The following BAHCC1 variants were observed in gnomAD, a reference collection of about 807,000 sequenced individuals.
BAHCC1 encodes the protein BAH and coiled-coil domain-containing protein 1.
A neutral mutation model predicts 88.2 loss-of-function variants in BAHCC1; 43 were observed. The ratio of observed to expected loss-of-function variants is 0.49; its 90% CI spans 0.38 to 0.63. The LOEUF (loss-of-function observed/expected upper bound fraction) is 0.63, where lower values mean the gene tolerates loss of function less well. Among genes scored for constraint, BAHCC1 ranks in the 20% least tolerant of loss-of-function variants. The pLI, the probability that BAHCC1 is intolerant of heterozygous loss-of-function variation, is 0.00. For missense variants in BAHCC1, 3,023 were observed against 1,654.8 expected, an observed-to-expected ratio of 1.83 and a Z score of -14.34; for synonymous variants, 1,510 against 745.5, an observed-to-expected ratio of 2.03 and a Z score of -16.71.
chr17:81,417,555 A>ACCGCCCCCCCCC (rs1555648925), intron 2 of BAHCC1, among the ~76,000 whole-genome samples: 3 of 131,412 alleles, frequency 2.3e-5, no homozygotes, highest in East Asian at 2.2e-4. Context: ...AGCGTCGGCC[A>ACCGCCCCCCCCC]CCCCCCCCCC....
intron 2 of BAHCC1, among the ~76,000 whole-genome samples, chr17:81,416,603 C>T (rs201831310): frequency 1.4e-4 from 17 of 118,148 alleles, no homozygotes; most frequent in Admixed American, 1.2e-3. Flanking sequence ...GGTGTATGCG[C>T]GTATGTACGT....
chr17:81,421,718 T>C (rs2143360268), intron 2 of BAHCC1, among the ~76,000 whole-genome samples: 1 of 152,320 alleles, frequency 6.6e-6, no homozygotes, highest in East Asian at 1.9e-4. Context: ...TTCCCCTGCC[T>C]GGTCCCGTCT....
At chr17:81,426,680 T>A in intron 2 of BAHCC1, 120 bp from the exon 3 acceptor site, 1 of 398,254 alleles carries the variant, frequency 2.5e-6, no homozygotes, top group Non-Finnish European at 4.4e-6. Flanking sequence ...AGTCAAAGGC[T>A]CTGGGGGAGA....
In BAHCC1 at chr17:81,453,502, G is replaced by A. The variant is rs117690860; in HGVS notation, c.4445+651G>A. 4.5e-3 allele frequency among the ~76,000 whole-genome samples: 690 copies of A among 152,340 alleles called. 4 individuals are homozygous for A. Among genetic ancestry groups the A allele is most frequent in the Non-Finnish European group, 7.7e-3 (523 of 68,032 alleles). ...AGACAGGCAAAAAATTAATCTCAGG[G>A]CTTCATGTCACAAAACATTAGCAAA... On this transcript the variant is annotated intron_variant, in intron 14 of 27. Coordinates refer to ENST00000675386, the MANE Select transcript of BAHCC1 (RefSeq NM_001377448.1).
chr17:81,460,028 G>GCACGTGTGGGGAGGTGGGCACGTGGGCC, intron 23 of BAHCC1, among the ~76,000 whole-genome samples: 1 of 152,140 alleles, frequency 6.6e-6, no homozygotes, highest in East Asian at 1.9e-4. Context: ...GCACGTGGGC[G>GCACGTGTGGGGAGGTGGGCACGTGGGCC]TCAGCACGTG....
chr17:81,430,698 G>C (rs1267329406), intron 3 of BAHCC1, among the ~76,000 whole-genome samples: 2 of 152,146 alleles, frequency 1.3e-5, no homozygotes, highest in African/African-American at 4.8e-5. Flanking sequence ...TGGGGCCCCA[G>C]CTCCATCCTT....
intron 14 of BAHCC1, among the ~76,000 whole-genome samples, chr17:81,454,445 C>G (rs975663239): frequency 2.6e-5 from 4 of 152,174 alleles, no homozygotes; most frequent in African/African-American, 9.7e-5. Context: ...CCTTAAGACC[C>G]GCGTGGAGGA....
chr17:81,429,969 G>T (rs1483391525), intron 3 of BAHCC1, among the ~76,000 whole-genome samples: 2 of 152,202 alleles, frequency 1.3e-5, no homozygotes, highest in African/African-American at 4.8e-5. Flanking sequence ...TGGAGGAGCC[G>T]CCCGGAACAT....
chr17:81,463,299 C>T (rs781949678), intron 27 of BAHCC1, among the ~76,000 whole-genome samples: 1 of 152,210 alleles, frequency 6.6e-6, no homozygotes, highest in Non-Finnish European at 1.5e-5. Flanking sequence ...AGAAATTGCA[C>T]TCAGCACACC....
rs895384897 is a variant in BAHCC1 at position 81,458,276 on chromosome 17, C to T, written c.5153C>T (p.Ala1718Val). 1.1e-5 allele frequency: 8 copies of T among 747,744 alleles called. No individual in the cohort carries two copies. The highest frequency in any genetic ancestry group is 6.8e-5 in the African/African-American group (4 of 58,494). The allele number at this position is 747,744 out of a possible 1,614,324, so 46.3% of individuals were successfully genotyped here. Residue 1718 changes from alanine to valine, a missense_variant, in exon 18 of 28, where the codon GCG (alanine) becomes GTG (valine). Transcript: ENST00000675386. ...GCCCCAGGGCAGAGGCCCCCAGGTGCGCTGGGCAAGAAGAAAGCCAAGGGC... is the reference window on the plus strand; with the variant it reads ...GCCCCAGGGCAGAGGCCCCCAGGTGTGCTGGGCAAGAAGAAAGCCAAGGGC... The part of the protein sequence containing the change: ...ERAPGQRPPG[A>V]LGKKKAKGKA...
chr17:81,447,403 T>A lies in BAHCC1; in HGVS notation c.3531T>A (p.Thr1177=). 1.3e-6 allele frequency: 1 copy of A among 743,968 alleles called. No homozygotes were observed. Among genetic ancestry groups the A allele is most frequent in the Non-Finnish European group, 2.5e-6 (1 of 400,104 alleles). The allele number at this position is 743,968 out of a possible 1,614,324, so 46.1% of individuals were successfully genotyped here. The change falls in exon 11 of 28, where the codon ACT becomes ACA. Residue 1177 remains threonine (T), a synonymous_variant. Transcript: ENST00000675386. ...GPEATGQAHS[T]QGGAREERSR... ...AGGCCACCGGCCAGGCTCATTCTAC[T>A]CAGGGAGGGGCACGAGAAGAGAGGA... is the stretch of plus-strand genomic sequence containing the variant.
At chr17:81,425,150 T>A (rs530406515) in intron 2 of BAHCC1, among the ~76,000 whole-genome samples, 2 of 84,750 alleles carry the variant, frequency 2.4e-5, no homozygotes, top group African/African-American at 5.7e-5. Context: ...TGGTTGGGGG[T>A]GATGGTGGGT....
In BAHCC1 at chr17:81,410,442, G is replaced by A. The variant is rs573585241; in HGVS notation, c.178+10525G>A. On this transcript the variant is annotated intron_variant, in intron 2 of 27. Coordinates refer to ENST00000675386, the MANE Select transcript of BAHCC1 (RefSeq NM_001377448.1). ...GCCCTTGGCTCCTGTGCCCTGGCAC[G>A]GGGGTCCAGCTGCCCCACTTACCCC... Among the ~76,000 whole-genome samples, 6 of 152,342 alleles carry A rather than the reference G, an allele frequency of 3.9e-5. No homozygotes were observed. In the South Asian group the frequency reaches 1.2e-3, roughly 32 times the overall value.
At chr17:81,412,433 C>T (rs2063966048) in intron 2 of BAHCC1, among the ~76,000 whole-genome samples, 1 of 152,356 alleles carries the variant, frequency 6.6e-6, no homozygotes, top group African/African-American at 2.4e-5. Context: ...GAGGCCATGC[C>T]ATCCTTCTAA....
At chr17:81,458,997 C>A in intron 20 of BAHCC1, 28 bp downstream of exon 20, 3 of 638,192 alleles carry the variant, frequency 4.7e-6, no homozygotes, top group Non-Finnish European at 5.8e-6. Flanking sequence ...GGGTGCCAGC[C>A]GCCTGGGGAG....
chr17:81,412,139 C>A (rs1203660089), intron 2 of BAHCC1, among the ~76,000 whole-genome samples: 6 of 152,224 alleles, frequency 3.9e-5, no homozygotes, highest in African/African-American at 1.4e-4. Context: ...CCCCCAGGAT[C>A]CTCCGGATCT....
chr17:81,420,551 G>C (rs1244573814), intron 2 of BAHCC1, among the ~76,000 whole-genome samples: 2 of 152,220 alleles, frequency 1.3e-5, no homozygotes, highest in Non-Finnish European at 2.9e-5. Context: ...GAGCCACCTG[G>C]GGGTGGCCAC....
chr17:81,457,612 G>A lies in BAHCC1; in HGVS notation c.5041+20G>A, dbSNP rs2064773895. 1.3e-5 allele frequency: 9 copies of A among 696,288 alleles called. No individual in the cohort carries two copies. The East Asian group carries it at 2.3e-4, about 18-fold the overall frequency. 43.1% of individuals were successfully genotyped at this position (696,288 alleles called of 1,614,324 possible). On this transcript the variant is annotated intron_variant, in intron 17 of 27. Coordinates refer to ENST00000675386, the MANE Select transcript of BAHCC1 (RefSeq NM_001377448.1). ...TGCTAGGTAACCAGGAGGGAGGACA[G>A]GGGTTGCTAGGTAACCAGGAGGGAG...
chr17:81,411,106 G>T lies in BAHCC1; in HGVS notation c.178+11189G>T, dbSNP rs782469941. The T allele has an allele frequency of 7.7e-6, 4 of 519,292 alleles. No homozygotes were observed. Among genetic ancestry groups the T allele is most frequent in the African/African-American group, 5.8e-5 (3 of 51,906 alleles). The allele number at this position is 519,292 out of a possible 1,614,324, so 32.2% of individuals were successfully genotyped here. ...CTGGGGTCACGCTCCCTTGTTCTCA[G>T]TCCCGCAGCCGTCCTCTGCGTGAGT... is the stretch of plus-strand genomic sequence containing the variant. On this transcript the variant is annotated intron_variant, in intron 2 of 27. Coordinates refer to ENST00000675386, the MANE Select transcript of BAHCC1 (RefSeq NM_001377448.1). The surrounding 1 kb of genome is among the most constrained non-coding windows in gnomAD (Gnocchi z 6.2).
Sources: gnomAD v4.1 joint callset for allele counts (sites outside exome capture counted in the v4.1 genomes callset) on GRCh38, gnomAD v4.1.1 for gene constraint, Gnocchi (gnomAD v3.1) non-coding constraint, MANE v1.5 for transcripts, NCBI Gene and HGNC (gene_info 2026-07-23, HGNC 2026-07-21) for gene names.